The following RIPOR2 variants were observed in gnomAD, a reference collection of about 807,000 sequenced individuals.
RIPOR2 encodes the protein RHO family interacting cell polarization regulator 2, also known as rho family-interacting cell polarization regulator 2.
In RIPOR2, 39 loss-of-function variants were observed where a neutral mutation model predicts 114.5. The ratio of observed to expected loss-of-function variants is 0.34; its 90% CI spans 0.26 to 0.44. RIPOR2 has a LOEUF of 0.44. Ranked by LOEUF, RIPOR2 falls within the 20% of genes least tolerant of loss-of-function variation. The pLI is 1.00. For missense variants in RIPOR2, 1,007 were observed against 1,255.1 expected (o/e 0.80, Z 2.99); for synonymous variants, 445 against 484.4 (o/e 0.92, Z 1.07).
At chr6:24,987,266 C>A (rs1449405055) in intron 1 of RIPOR2, among the ~76,000 whole-genome samples, 1 of 152,196 alleles carries the variant, frequency 6.6e-6, no homozygotes, top group Non-Finnish European at 1.5e-5. Flanking sequence ...AGTCCTGGCC[C>A]TGCCCCTTAC....
At chr6:25,023,885 G>T in intron 1 of RIPOR2, 1 of 724,026 alleles carries the variant, frequency 1.4e-6, no homozygotes, top group Non-Finnish European at 2.6e-6. Flanking sequence ...AGACCTGGAG[G>T]CACTTGGTTC....
At chr6:24,967,536 C>T (rs1773581541) in intron 1 of RIPOR2, among the ~76,000 whole-genome samples, 1 of 152,134 alleles carries the variant, frequency 6.6e-6, no homozygotes, top group Admixed American at 6.5e-5. Flanking sequence ...GAGGTCCCTG[C>T]AACTCAGGCC....
intron 1 of RIPOR2, among the ~76,000 whole-genome samples, chr6:24,915,068 G>T (rs1769965942): frequency 6.6e-6 from 1 of 152,172 alleles, no homozygotes; most frequent in South Asian, 2.1e-4. Context: ...ACTAGTCCTA[G>T]AGACAAGTAA....
intron 1 of RIPOR2, among the ~76,000 whole-genome samples, chr6:24,954,993 T>C (rs1479844596): frequency 6.6e-6 from 1 of 152,228 alleles, no homozygotes. Flanking sequence ...GCCGTTTATA[T>C]ATCCTGATTT....
At chr6:24,838,161 A>G (rs1761281992) in intron 14 of RIPOR2, among the ~76,000 whole-genome samples, 1 of 152,214 alleles carries the variant, frequency 6.6e-6, no homozygotes, top group South Asian at 2.1e-4. Context: ...TTGCTTCCAG[A>G]GAAGGTCACA....
intron 8 of RIPOR2, among the ~76,000 whole-genome samples, chr6:24,856,541 G>T (rs1204028199): frequency 6.6e-6 from 1 of 152,166 alleles, no homozygotes; most frequent in Non-Finnish European, 1.5e-5. Context: ...GATCACCTGA[G>T]GTCAGGAGTT....
At chr6:24,935,999 C>T, upstream of RIPOR2, 1 of 839,412 alleles carries the variant, frequency 1.2e-6, no homozygotes, top group Non-Finnish European at 1.9e-6. Flanking sequence ...GTTGCCCAAG[C>T]CCTCTGGAGG....
intron 1 of RIPOR2, among the ~76,000 whole-genome samples, chr6:24,879,056 A>C (rs963376730): frequency 2.2e-5 from 3 of 138,632 alleles, no homozygotes; most frequent in African/African-American, 5.9e-5. Flanking sequence ...CATTAAATGT[A>C]TGGTTGGGTG....
chr6:24,943,486 T>TATA (rs79282731), intron 1 of RIPOR2, among the ~76,000 whole-genome samples: 30,329 of 151,426 alleles, frequency 0.2, 3,232 homozygotes, highest in East Asian at 0.34. Flanking sequence ...AAACTTAAAG[T>TATA]ATAATAATAA....
At chr6:24,811,893 T>C (rs1318338006) in intron 20 of RIPOR2, among the ~76,000 whole-genome samples, 1 of 9,422 alleles carries the variant, frequency 1.1e-4, no homozygotes, top group African/African-American at 1.6e-4. Context: ...TGTGATCTCA[T>C]TGTTCAATTC....
At chr6:24,891,360 T>C (rs528032513) in intron 1 of RIPOR2, among the ~76,000 whole-genome samples, 1 of 152,322 alleles carries the variant, frequency 6.6e-6, no homozygotes, top group Non-Finnish European at 1.5e-5. Context: ...TAATTTGTCA[T>C]TAGAATGCAA....
At chr6:24,924,081 T>C (rs1252908575) in intron 1 of RIPOR2, among the ~76,000 whole-genome samples, 3 of 152,172 alleles carry the variant, frequency 2.0e-5, no homozygotes, top group African/African-American at 7.2e-5. Flanking sequence ...AGACCCACGC[T>C]GGTCTGCTTT....
At chr6:24,868,474 C>T (rs1181287581) in intron 6 of RIPOR2, among the ~76,000 whole-genome samples, 1 of 152,194 alleles carries the variant, frequency 6.6e-6, no homozygotes, top group East Asian at 1.9e-4. Context: ...GCACCAATAA[C>T]TCCTGATAGT....
intron 8 of RIPOR2, among the ~76,000 whole-genome samples, chr6:24,859,890 G>T (rs1763887529): frequency 6.6e-6 from 1 of 152,192 alleles, no homozygotes; most frequent in African/African-American, 2.4e-5. Context: ...GGATCAAGCT[G>T]CTAAGAAACC....
intron 1 of RIPOR2, among the ~76,000 whole-genome samples, chr6:24,991,810 T>A (rs1774828276): frequency 6.6e-6 from 1 of 152,134 alleles, no homozygotes; most frequent in Non-Finnish European, 1.5e-5. Flanking sequence ...AGACAGCTGG[T>A]CAAGGGAAGA....
At chr6:24,819,752 C>T (rs1223468180) in intron 19 of RIPOR2, among the ~76,000 whole-genome samples, 2 of 149,076 alleles carry the variant, frequency 1.3e-5, no homozygotes, top group East Asian at 2.1e-4. Context: ...CCGCCCACCT[C>T]GGCCTCCCAA....
chr6:24,998,140 T>G (rs1331748408), intron 1 of RIPOR2, among the ~76,000 whole-genome samples: 1 of 152,168 alleles, frequency 6.6e-6, no homozygotes, highest in African/African-American at 2.4e-5. Flanking sequence ...GCCAAGCCCC[T>G]CTTTTTCTCC....
chr6:24,806,460 C>T lies in RIPOR2; in HGVS notation c.3057G>A (p.Arg1019=), dbSNP rs988950296. The change falls in exon 22 of 22, where the codon CGG becomes CGA. Residue 1019 remains arginine, a synonymous_variant. Coordinates refer to ENST00000643898, the MANE Select transcript of RIPOR2 (RefSeq NM_001286445.3). ...ATTTGTCCAATTGTTCATATGCCAGCCGCCCATCTTCTCCTAAATACAGAA... is the reference window on the plus strand; with the variant it reads ...ATTTGTCCAATTGTTCATATGCCAGTCGCCCATCTTCTCCTAAATACAGAA... ...ETLLSLGEDG[R]LAYEQLDKFP... 7 of 1,551,020 alleles carry T rather than the reference C, an allele frequency of 4.5e-6. No individual in the cohort carries two copies. The Admixed American group carries it at 1.4e-4, about 31-fold the overall frequency.
At chr6:24,840,425 G>A in intron 13 of RIPOR2, 1 of 1,255,342 alleles carries the variant, frequency 8.0e-7, no homozygotes, top group Non-Finnish European at 1.0e-6. Context: ...TATAATGCTG[G>A]CCACATGCAG....
Sources: gnomAD v4.1 joint callset for allele counts (sites outside exome capture counted in the v4.1 genomes callset) on GRCh38, gnomAD v4.1.1 for gene constraint, MANE v1.5 for transcripts, NCBI Gene and HGNC (gene_info 2026-07-23, HGNC 2026-07-21) for gene names.